LHFPL3: variants seen among roughly 807,000 people sequenced by gnomAD.
LHFPL3 encodes LHFPL tetraspan subfamily member 3, also known as LHFPL tetraspan subfamily member 3 protein.
A neutral mutation model predicts 19.3 loss-of-function variants in LHFPL3; 5 were observed. The ratio of observed to expected loss-of-function variants is 0.26; its 90% CI spans 0.14 to 0.54. The LOEUF (loss-of-function observed/expected upper bound fraction) is 0.54, where lower values mean the gene tolerates loss of function less well. LHFPL3 is among the 20% of genes least tolerant of loss of function. LHFPL3 has a pLI of 0.94. For synonymous variants in LHFPL3, 133 were observed against 126.2 expected (o/e 1.05, Z -0.36); for missense variants, 249 against 307.4 (o/e 0.81, Z 1.42).
At chr7:104,691,614 G>C (rs977725751) in intron 1 of LHFPL3, among the ~76,000 whole-genome samples, 9 of 152,270 alleles carry the variant, frequency 5.9e-5, no homozygotes, top group African/African-American at 2.2e-4. Context: ...GCTGTAGCCA[G>C]TGGTTTGTCT....
At chr7:104,550,628 C>T (rs529365907) in intron 1 of LHFPL3, among the ~76,000 whole-genome samples, 16 of 152,240 alleles carry the variant, frequency 1.1e-4, no homozygotes, top group African/African-American at 3.6e-4. Flanking sequence ...TGATGAGTCA[C>T]TGGAGTTTTC....
chr7:104,424,999 A>AAAAAAAAAAAAAAC (rs1791813554), intron 1 of LHFPL3, among the ~76,000 whole-genome samples: 1 of 150,796 alleles, frequency 6.6e-6, no homozygotes, highest in Non-Finnish European at 1.5e-5. Context: ...AAAAAAAAAA[A>AAAAAAAAAAAAAAC]AAAAAAGAAG....
intron 1 of LHFPL3, among the ~76,000 whole-genome samples, chr7:104,625,370 C>T (rs1791523281): frequency 6.6e-6 from 1 of 152,172 alleles, no homozygotes; most frequent in Non-Finnish European, 1.5e-5. Context: ...AACAATTTTG[C>T]ATTTTTGATC....
At chr7:104,765,241 T>A (rs1294942499) in intron 2 of LHFPL3, among the ~76,000 whole-genome samples, 1 of 152,178 alleles carries the variant, frequency 6.6e-6, no homozygotes, top group Non-Finnish European at 1.5e-5. Flanking sequence ...TACTCCCTTT[T>A]CAGCACAAAA....
At chr7:104,618,148 T>G (rs1293906765) in intron 1 of LHFPL3, among the ~76,000 whole-genome samples, 1 of 152,226 alleles carries the variant, frequency 6.6e-6, no homozygotes, top group Admixed American at 6.5e-5. Context: ...ATGTTTTTCA[T>G]CCTGGCTCCT....
intron 1 of LHFPL3, among the ~76,000 whole-genome samples, chr7:104,682,217 T>G (rs1792716773): frequency 1.3e-5 from 2 of 152,106 alleles, no homozygotes; most frequent in Admixed American, 1.3e-4. Context: ...CAAAAAAAAG[T>G]AGAAAGTGAC....
intron 2 of LHFPL3, among the ~76,000 whole-genome samples, chr7:104,868,421 C>T (rs113741320): frequency 1.3e-5 from 2 of 152,154 alleles, no homozygotes; most frequent in African/African-American, 2.4e-5. Context: ...CACAAGCATT[C>T]TTATACACCA....
chr7:104,734,666 T>G (rs891795835), intron 1 of LHFPL3, among the ~76,000 whole-genome samples: 1 of 152,218 alleles, frequency 6.6e-6, no homozygotes, highest in Non-Finnish European at 1.5e-5. Context: ...GGGTTCAAAC[T>G]TCCTCTTTAG....
At chr7:104,825,906 T>C (rs866100600) in intron 2 of LHFPL3, among the ~76,000 whole-genome samples, 2 of 151,864 alleles carry the variant, frequency 1.3e-5, no homozygotes, top group African/African-American at 4.9e-5. Context: ...CCGACCACTT[T>C]TGTTTCTAAT....
At chr7:104,587,587 C>A (rs558660237) in intron 1 of LHFPL3, among the ~76,000 whole-genome samples, 4 of 152,290 alleles carry the variant, frequency 2.6e-5, no homozygotes, top group South Asian at 4.1e-4. Context: ...CATACATGTT[C>A]ATGTGTCTTT....
chr7:104,743,761 T>C (rs1442902102), intron 2 of LHFPL3, among the ~76,000 whole-genome samples: 2 of 152,238 alleles, frequency 1.3e-5, no homozygotes, highest in Non-Finnish European at 2.9e-5. Flanking sequence ...AAGGATTGGA[T>C]GCAAGACTCA....
At chr7:104,646,102 A>G (rs1791929013) in intron 1 of LHFPL3, among the ~76,000 whole-genome samples, 1 of 152,142 alleles carries the variant, frequency 6.6e-6, no homozygotes, top group African/African-American at 2.4e-5. Flanking sequence ...TTACTTACCA[A>G]ATAACCAAGA....
chr7:104,499,886 G>T (rs1411718729), intron 1 of LHFPL3, among the ~76,000 whole-genome samples: 2 of 152,126 alleles, frequency 1.3e-5, no homozygotes, highest in Admixed American at 6.5e-5. Context: ...AAGAAAAAAA[G>T]GAAAATACTG....
chr7:104,882,333 C>A (rs1301760609), intron 2 of LHFPL3, among the ~76,000 whole-genome samples: 1 of 152,180 alleles, frequency 6.6e-6, no homozygotes, highest in Non-Finnish European at 1.5e-5. Flanking sequence ...CTGCAGCCTT[C>A]ACCTCCCAGG....
At chr7:104,602,263 C>G (rs1790986773) in intron 1 of LHFPL3, among the ~76,000 whole-genome samples, 1 of 152,020 alleles carries the variant, frequency 6.6e-6, no homozygotes, top group African/African-American at 2.4e-5. Flanking sequence ...TCAAGTAATC[C>G]TCCCACCTTG....
intron 1 of LHFPL3, among the ~76,000 whole-genome samples, chr7:104,619,406 A>G (rs1257557614): frequency 1.3e-5 from 2 of 152,132 alleles, no homozygotes; most frequent in African/African-American, 2.4e-5. Context: ...GTTACATATC[A>G]GCTTGCAATT....
intron 2 of LHFPL3, among the ~76,000 whole-genome samples, chr7:104,741,363 G>T (rs1018115903): frequency 6.7e-5 from 10 of 148,512 alleles, no homozygotes; most frequent in Admixed American, 6.8e-5. Flanking sequence ...AAGGCAACAA[G>T]TTTGAAGACA....
intron 1 of LHFPL3, among the ~76,000 whole-genome samples, chr7:104,438,817 T>TA (rs1331259384): frequency 2.8e-5 from 4 of 143,986 alleles, no homozygotes; most frequent in Non-Finnish European, 4.5e-5. Flanking sequence ...AGTTGATTTT[T>TA]TAAAAAAACA....
chr7:104,450,758 C>T (rs1018837260), intron 1 of LHFPL3, among the ~76,000 whole-genome samples: 4 of 151,978 alleles, frequency 2.6e-5, no homozygotes, highest in South Asian at 2.1e-4. Context: ...TAGCAACATT[C>T]TATTAAGTAA....
Sources: gnomAD v4.1 joint callset for allele counts (sites outside exome capture counted in the v4.1 genomes callset) on GRCh38, gnomAD v4.1.1 for gene constraint, MANE v1.5 for transcripts, NCBI Gene and HGNC (gene_info 2026-07-23, HGNC 2026-07-21) for gene names.